The following GPR137C variants were observed in gnomAD, a reference collection of about 807,000 sequenced individuals.
GPR137C encodes the protein G protein-coupled receptor 137C.
Under a neutral mutation model 43.4 loss-of-function variants are expected in GPR137C, and 27 were observed. That is an observed-to-expected ratio of 0.62 (90% CI 0.46 to 0.86). GPR137C has a LOEUF of 0.86. Ranked by LOEUF, GPR137C falls within the 40% of genes least tolerant of loss-of-function variation. The pLI, the probability that GPR137C is intolerant of heterozygous loss-of-function variation, is 0.00. For missense variants in GPR137C, 522 were observed against 534.6 expected (o/e 0.98, Z 0.23); for synonymous variants, 285 against 226.9 (o/e 1.26, Z -2.30).
At chr14:52,605,388 T>C (rs1471698614) in intron 3 of GPR137C, among the ~76,000 whole-genome samples, 1 of 152,232 alleles carries the variant, frequency 6.6e-6, no homozygotes, top group Non-Finnish European at 1.5e-5. Context: ...CTGATTTCTG[T>C]ATGTTGATTT....
intron 3 of GPR137C, among the ~76,000 whole-genome samples, chr14:52,604,256 T>C (rs1253568507): frequency 6.6e-6 from 1 of 152,224 alleles, no homozygotes; most frequent in East Asian, 1.9e-4. Context: ...CAGGAGCTTT[T>C]TAGCCTGATG....
intron 4 of GPR137C, 107 bp from the exon 5 acceptor site, chr14:52,633,423 T>C: frequency 1.2e-6 from 1 of 859,112 alleles, no homozygotes; most frequent in Non-Finnish European, 1.8e-6. Context: ...TTTATGTGCT[T>C]GTAGTTGATA....
intron 1 of GPR137C, among the ~76,000 whole-genome samples, chr14:52,588,798 A>G (rs1184315847): frequency 6.6e-6 from 1 of 152,224 alleles, no homozygotes; most frequent in African/African-American, 2.4e-5. Context: ...ATTCAGTTTT[A>G]TGATTTTTGT....
At chr14:52,625,061 C>G (rs1354850333) in intron 3 of GPR137C, among the ~76,000 whole-genome samples, 1 of 151,850 alleles carries the variant, frequency 6.6e-6, no homozygotes, top group African/African-American at 2.4e-5. Context: ...CTAAGTAGAC[C>G]CATATTTATT....
intron 6 of GPR137C, among the ~76,000 whole-genome samples, chr14:52,634,293 A>G (rs2039327089): frequency 6.6e-6 from 1 of 152,098 alleles, no homozygotes. Context: ...TGCTGGTCAA[A>G]ATCCAGAGAA....
At chr14:52,617,688 A>G (rs980756051) in intron 3 of GPR137C, among the ~76,000 whole-genome samples, 22 of 152,314 alleles carry the variant, frequency 1.4e-4, no homozygotes, top group African/African-American at 5.1e-4. Context: ...CAAACAAACA[A>G]ACAAACAAAC....
chr14:52,572,255 G>A (rs1424330391), intron 1 of GPR137C, among the ~76,000 whole-genome samples: 2 of 152,202 alleles, frequency 1.3e-5, no homozygotes, highest in Non-Finnish European at 2.9e-5. Context: ...TATGAGGCCA[G>A]CATCATCCTG....
At chr14:52,595,517 C>T (rs550751319) in intron 1 of GPR137C, among the ~76,000 whole-genome samples, 3 of 152,182 alleles carry the variant, frequency 2.0e-5, no homozygotes, top group Admixed American at 2.0e-4. Flanking sequence ...TTTTTCATTT[C>T]TTTTTACTCT....
intron 1 of GPR137C, among the ~76,000 whole-genome samples, chr14:52,575,975 CG>C (rs1322357632): frequency 1.3e-5 from 2 of 152,086 alleles, no homozygotes; most frequent in African/African-American, 2.4e-5. Flanking sequence ...CTGTGTTGTT[CG>C]GGGTTTTTAC....
chr14:52,622,028 T>C (rs2039167560), intron 3 of GPR137C, among the ~76,000 whole-genome samples: 1 of 151,938 alleles, frequency 6.6e-6, no homozygotes, highest in Non-Finnish European at 1.5e-5. Context: ...CTCTTTAATA[T>C]CTGACTTAAT....
chr14:52,631,944 G>C (rs889338126), intron 3 of GPR137C, among the ~76,000 whole-genome samples: 4 of 114,046 alleles, frequency 3.5e-5, no homozygotes, highest in Non-Finnish European at 7.7e-5. Flanking sequence ...CTGCTATTTG[G>C]CAAGTTGGCA....
At chr14:52,588,134 T>C (rs1288799407) in intron 1 of GPR137C, among the ~76,000 whole-genome samples, 1 of 152,158 alleles carries the variant, frequency 6.6e-6, no homozygotes, top group Non-Finnish European at 1.5e-5. Flanking sequence ...AACCAGTTGA[T>C]TAAAGTTTTT....
chr14:52,566,531 A>G (rs1232944173), intron 1 of GPR137C, among the ~76,000 whole-genome samples: 1 of 152,186 alleles, frequency 6.6e-6, no homozygotes, highest in Non-Finnish European at 1.5e-5. Flanking sequence ...TAAGTGCCCA[A>G]TTGGCATTTT....
chr14:52,635,422 C>A lies in GPR137C; in HGVS notation c.*307C>A, dbSNP rs2039342692. On this transcript the variant is annotated 3_prime_UTR_variant, in exon 7 of 7. Transcript: ENST00000321662. ...CTTTTATCTTTGTTCTGAGTCACTG[C>A]AGTCCCCAAAGTCATATGCCAATGT... 4.3e-6 allele frequency: 1 copy of A among 233,634 alleles called. No individual in the cohort carries two copies. Among genetic ancestry groups the A allele is most frequent in the South Asian group, 8.4e-5 (1 of 11,970 alleles). 14.5% of individuals were successfully genotyped at this position (233,634 alleles called of 1,614,324 possible). A position where few individuals can be genotyped will look rare whatever the true frequency, so the allele number is the denominator to read the frequency against.
chr14:52,626,605 T>C (rs149715825), intron 3 of GPR137C, among the ~76,000 whole-genome samples: 2 of 152,222 alleles, frequency 1.3e-5, no homozygotes, highest in African/African-American at 4.8e-5. Context: ...GGATGTCAGC[T>C]CTCACCATTT....
chr14:52,575,722 C>T (rs954714925), intron 1 of GPR137C, among the ~76,000 whole-genome samples: 1 of 152,162 alleles, frequency 6.6e-6, no homozygotes, highest in Admixed American at 6.6e-5. Flanking sequence ...ACCAGGATCC[C>T]TATGAGCCTT....
At position 52,562,103 on chromosome 14, in the gene GPR137C, A is replaced by G. The variant is rs1345722209; in HGVS notation, c.444+8512A>G. Among the ~76,000 whole-genome samples the G allele has an allele frequency of 3.3e-5, 5 of 152,276 alleles. No individual in the cohort carries two copies. The East Asian group carries it at 7.7e-4, about 24-fold the overall frequency. On this transcript the variant is annotated intron_variant, in intron 1 of 6. Coordinates refer to ENST00000321662, the MANE Select transcript of GPR137C (RefSeq NM_001099652.2). Reference sequence around the variant, plus strand: ...ATTTATGTTAGAAAGCTAATCATCTAATTTATGTTAGAAAAAGAACAGGAT... The same window carrying G: ...ATTTATGTTAGAAAGCTAATCATCTGATTTATGTTAGAAAAAGAACAGGAT...
At position 52,577,645 on chromosome 14, in the gene GPR137C, A is replaced by T. The variant is rs556599866; in HGVS notation, c.445-20627A>T. ...ATAAGAACAATCAGAAACTATAAAGATCTGATTTTATCTTTAAAATCAGGT... is the reference window on the plus strand; with the variant it reads ...ATAAGAACAATCAGAAACTATAAAGTTCTGATTTTATCTTTAAAATCAGGT... On this transcript the variant is annotated intron_variant, in intron 1 of 6. Coordinates refer to ENST00000321662, the MANE Select transcript of GPR137C (RefSeq NM_001099652.2). Among the ~76,000 whole-genome samples, 8 of 152,050 alleles carry T rather than the reference A, an allele frequency of 5.3e-5. No individual in the cohort carries two copies. The South Asian group carries it at 1.7e-3, about 32-fold the overall frequency.
At chr14:52,620,086 C>G (rs2039143071) in intron 3 of GPR137C, among the ~76,000 whole-genome samples, 1 of 152,070 alleles carries the variant, frequency 6.6e-6, no homozygotes, top group East Asian at 1.9e-4. Flanking sequence ...GAAAATGACA[C>G]TGAGTGAGTT....
Sources: allele counts gnomAD v4.1 joint callset (sites outside exome capture counted in the v4.1 genomes callset), GRCh38; gene constraint gnomAD v4.1.1; transcripts MANE v1.5; gene names NCBI Gene and HGNC (gene_info 2026-07-23, HGNC 2026-07-21).